The following SHISA9 variants were observed in gnomAD, a reference collection of about 807,000 sequenced individuals.
SHISA9 encodes the protein protein shisa-9.
In SHISA9, 13 loss-of-function variants were observed where a neutral mutation model predicts 38.0. The observed-to-expected ratio is 0.34, with a 90% confidence interval of 0.22 to 0.54. SHISA9 has a LOEUF of 0.54. Among genes scored for constraint, SHISA9 ranks in the 20% least tolerant of loss-of-function variants. The pLI is 0.91. For synonymous variants in SHISA9, 275 were observed against 242.0 expected (o/e 1.14, Z -1.27); for missense variants, 538 against 575.8 (o/e 0.93, Z 0.67).
the SHISA9 span, among the ~76,000 whole-genome samples, chr16:13,547,938 T>A: frequency 6.6e-6 from 1 of 151,838 alleles, no homozygotes; most frequent in Non-Finnish European, 1.5e-5. Flanking sequence ...ACAAAGCTGG[T>A]GGCATCACAC....
At chr16:13,090,457 A>C (rs1489203083) in intron 2 of SHISA9, among the ~76,000 whole-genome samples, 3 of 152,136 alleles carry the variant, frequency 2.0e-5, no homozygotes, top group African/African-American at 7.2e-5. Context: ...GTAGGTCTCT[A>C]AGGACTTGCT....
chr16:12,976,383 G>A (rs1246718816), intron 2 of SHISA9, among the ~76,000 whole-genome samples: 1 of 152,142 alleles, frequency 6.6e-6, no homozygotes, highest in East Asian at 1.9e-4. Flanking sequence ...GAGCCACCAT[G>A]CCTGGCCAAA....
chr16:13,319,926 A>G, the SHISA9 span, among the ~76,000 whole-genome samples: 106 of 152,286 alleles, frequency 7.0e-4, no homozygotes, highest in African/African-American at 2.4e-3. Flanking sequence ...GGCCAGGAAA[A>G]AGGAAAATCT....
chr16:13,010,444 C>T (rs115165869), intron 2 of SHISA9, among the ~76,000 whole-genome samples: 8 of 152,264 alleles, frequency 5.3e-5, no homozygotes, highest in African/African-American at 1.9e-4. Context: ...GATTCTTAGA[C>T]TTAACACTGT....
At chr16:13,457,858 G>A in the SHISA9 span, among the ~76,000 whole-genome samples, 1 of 151,938 alleles carries the variant, frequency 6.6e-6, no homozygotes, top group African/African-American at 2.4e-5. Context: ...TAGTAAATAT[G>A]GCTAGGACCT....
intron 1 of SHISA9, among the ~76,000 whole-genome samples, chr16:12,903,953 C>T (rs1480832310): frequency 6.0e-5 from 9 of 150,116 alleles, no homozygotes; most frequent in Non-Finnish European, 8.9e-5. Context: ...TTTTTTTTTT[C>T]CCCCAGAGAG....
chr16:13,464,680 A>G, the SHISA9 span, among the ~76,000 whole-genome samples: 1 of 152,114 alleles, frequency 6.6e-6, no homozygotes, highest in Non-Finnish European at 1.5e-5. Context: ...TACTACCTTT[A>G]CTACAAATAT....
At chr16:13,022,737 G>C (rs1330448821) in intron 2 of SHISA9, among the ~76,000 whole-genome samples, 1 of 152,098 alleles carries the variant, frequency 6.6e-6, no homozygotes, top group Non-Finnish European at 1.5e-5. Flanking sequence ...GAGTAGCAGG[G>C]CCTACAGGTG....
At chr16:13,397,391 G>A in the SHISA9 span, among the ~76,000 whole-genome samples, 1 of 151,866 alleles carries the variant, frequency 6.6e-6, no homozygotes, top group Non-Finnish European at 1.5e-5. Context: ...TGAAGCCCAA[G>A]TGGGCATGTG....
chr16:13,546,665 C>T, the SHISA9 span, among the ~76,000 whole-genome samples: 1 of 152,204 alleles, frequency 6.6e-6, no homozygotes, highest in East Asian at 1.9e-4. Context: ...TGAAGCCCTA[C>T]ATCAGAGGTC....
At chr16:13,423,110 T>A in the SHISA9 span, among the ~76,000 whole-genome samples, 2 of 152,242 alleles carry the variant, frequency 1.3e-5, no homozygotes, top group South Asian at 4.1e-4. Flanking sequence ...GCTTTAAGTT[T>A]TATGAGTCAG....
chr16:13,301,860 C>G, the SHISA9 span, among the ~76,000 whole-genome samples: 1 of 152,180 alleles, frequency 6.6e-6, no homozygotes, highest in Non-Finnish European at 1.5e-5. Flanking sequence ...TCACTTTTCT[C>G]AATGTCAAAC....
At chr16:12,988,829 T>C (rs2072347076) in intron 2 of SHISA9, among the ~76,000 whole-genome samples, 1 of 152,072 alleles carries the variant, frequency 6.6e-6, no homozygotes, top group African/African-American at 2.4e-5. Flanking sequence ...CCAGCCTGTA[T>C]CTGTTTTCTA....
chr16:13,505,540 A>G, the SHISA9 span, among the ~76,000 whole-genome samples: 3 of 152,246 alleles, frequency 2.0e-5, no homozygotes, highest in Non-Finnish European at 4.4e-5. Flanking sequence ...GACAAATAAT[A>G]GCAATAGCAG....
the SHISA9 span, among the ~76,000 whole-genome samples, chr16:13,372,474 C>T: frequency 6.6e-6 from 1 of 152,122 alleles, no homozygotes; most frequent in Non-Finnish European, 1.5e-5. Context: ...TGCCCTAAAG[C>T]AAAAGGGATC....
the SHISA9 span, among the ~76,000 whole-genome samples, chr16:13,309,661 A>AT: frequency 7.4e-5 from 11 of 149,278 alleles, no homozygotes; most frequent in Non-Finnish European, 1.6e-4. Context: ...AAAAAAAAAA[A>AT]GAAAGTTGGA....
the SHISA9 span, among the ~76,000 whole-genome samples, chr16:13,371,329 A>T: frequency 6.6e-6 from 1 of 152,140 alleles, no homozygotes; most frequent in Non-Finnish European, 1.5e-5. Flanking sequence ...ATAGATTCTG[A>T]TGCAATAGGT....
At chr16:13,110,242 G>T (rs962765460) in intron 2 of SHISA9, among the ~76,000 whole-genome samples, 4 of 152,100 alleles carry the variant, frequency 2.6e-5, no homozygotes, top group Non-Finnish European at 5.9e-5. Flanking sequence ...GAGCATTTCC[G>T]CCTACTAGTC....
intron 2 of SHISA9, among the ~76,000 whole-genome samples, chr16:13,110,630 G>T (rs2073969201): frequency 6.6e-6 from 1 of 152,172 alleles, no homozygotes; most frequent in Non-Finnish European, 1.5e-5. Flanking sequence ...GGTTGCTGGA[G>T]ACTCGGAAAC....
Sources: gnomAD v4.1 joint callset for allele counts (sites outside exome capture counted in the v4.1 genomes callset) on GRCh38, gnomAD v4.1.1 for gene constraint, MANE v1.5 for transcripts, NCBI Gene and HGNC (gene_info 2026-07-23, HGNC 2026-07-21) for gene names.